Variants in RAPH1 observed in about 807,000 individuals in gnomAD.
RAPH1 encodes ras-associated and pleckstrin homology domains-containing protein 1.
A neutral mutation model predicts 88.1 loss-of-function variants in RAPH1; 18 were observed. The ratio of observed to expected loss-of-function variants is 0.20; its 90% CI spans 0.14 to 0.30. RAPH1 has a LOEUF of 0.30. Ranked by LOEUF, RAPH1 falls within the 10% of genes least tolerant of loss-of-function variation. RAPH1 has a pLI of 1.00. For synonymous variants in RAPH1, 587 were observed against 559.0 expected, an observed-to-expected ratio of 1.05 and a Z score of -0.71; for missense variants, 1,448 against 1,543.2, an observed-to-expected ratio of 0.94 and a Z score of 1.03.
At chr2:203,441,696 G>A in intron 13 of RAPH1, 1 of 1,307,962 alleles carries the variant, frequency 7.6e-7, no homozygotes. Context: ...CTGTTTGAAT[G>A]GTGACAGGAT....
intron 4 of RAPH1, among the ~76,000 whole-genome samples, chr2:203,470,042 T>G (rs1048164091): frequency 6.6e-6 from 1 of 152,214 alleles, no homozygotes; most frequent in African/African-American, 2.4e-5. Context: ...TGAAAATTAC[T>G]GAAAATATTT....
At chr2:203,471,153 T>TG (rs1204517828) in intron 4 of RAPH1, among the ~76,000 whole-genome samples, 2 of 152,198 alleles carry the variant, frequency 1.3e-5, no homozygotes, top group Non-Finnish European at 2.9e-5. Context: ...TGGCCTCTCA[T>TG]GAAAAAATTC....
chr2:203,465,217 T>C (rs749997259), intron 4 of RAPH1, among the ~76,000 whole-genome samples: 13 of 152,214 alleles, frequency 8.5e-5, no homozygotes, highest in Non-Finnish European at 1.5e-4. Context: ...ACCTTATTCA[T>C]GAGTGCCAAA....
At chr2:203,452,509 A>C (rs1424496262) in intron 10 of RAPH1, among the ~76,000 whole-genome samples, 1 of 152,210 alleles carries the variant, frequency 6.6e-6, no homozygotes, top group Non-Finnish European at 1.5e-5. Context: ...TTCTTTGTCC[A>C]ATCCAGTATA....
At chr2:203,471,961 G>C (rs989893447) in intron 4 of RAPH1, among the ~76,000 whole-genome samples, 1 of 152,002 alleles carries the variant, frequency 6.6e-6, no homozygotes, top group African/African-American at 2.4e-5. Context: ...CCTCCTAAAG[G>C]TAAGACTGAT....
At chr2:203,454,867 A>G (rs1287453624) in intron 9 of RAPH1, among the ~76,000 whole-genome samples, 2 of 152,226 alleles carry the variant, frequency 1.3e-5, no homozygotes, top group African/African-American at 4.8e-5. Context: ...GGAAAGAACA[A>G]GAAAATATCA....
At chr2:203,517,327 T>C (rs1689658897) in intron 1 of RAPH1, among the ~76,000 whole-genome samples, 2 of 125,298 alleles carry the variant, frequency 1.6e-5, no homozygotes. Context: ...AATGCATATG[T>C]GCCTAACAAC....
Position 203,448,860 on chromosome 2 carries a change from A to T in RAPH1, c.1414-24T>A. 1 of 1,515,948 alleles carries T rather than the reference A, an allele frequency of 6.6e-7. No homozygotes were observed. The highest frequency in any genetic ancestry group is 9.1e-7 in the Non-Finnish European group (1 of 1,100,438). 93.9% of individuals were successfully genotyped at this position (1,515,948 alleles called of 1,614,324 possible). A position where few individuals can be genotyped will look rare whatever the true frequency, so the allele number is the denominator to read the frequency against. On this transcript the variant is annotated intron_variant, in intron 10 of 13. Coordinates refer to ENST00000319170, the MANE Select transcript of RAPH1 (RefSeq NM_213589.3). This position sits in a 1 kb window ranked among gnomAD's most constrained non-coding sequence, Gnocchi z 4.1. ...TGCTGCAAGATTAAAGACAAAATCC[A>T]ACTAAGTCCCTTGGAGAACTAAAGA...
At chr2:203,498,704 A>G (rs899925007) in intron 1 of RAPH1, among the ~76,000 whole-genome samples, 1 of 152,232 alleles carries the variant, frequency 6.6e-6, no homozygotes, top group Admixed American at 6.5e-5. Context: ...AACAGAGTGT[A>G]ACTGCCCATA....
intron 4 of RAPH1, among the ~76,000 whole-genome samples, chr2:203,464,925 C>A (rs957328704): frequency 6.6e-6 from 1 of 152,078 alleles, no homozygotes; most frequent in Non-Finnish European, 1.5e-5. Context: ...TAGGGAATTA[C>A]AAGTAAAATG....
At chr2:203,520,541 C>T (rs1384741630) in intron 1 of RAPH1, among the ~76,000 whole-genome samples, 4 of 151,736 alleles carry the variant, frequency 2.6e-5, no homozygotes, top group Admixed American at 1.3e-4. Flanking sequence ...GCAGGAGAAT[C>T]GCCTGAACCC....
chr2:203,523,227 A>C (rs1689970191), intron 1 of RAPH1, among the ~76,000 whole-genome samples: 2 of 151,822 alleles, frequency 1.3e-5, no homozygotes, highest in African/African-American at 2.4e-5. Flanking sequence ...CCCCGTCTCT[A>C]TTAAAAATAC....
chr2:203,479,250 A>C (rs1346267436), intron 4 of RAPH1, among the ~76,000 whole-genome samples: 1 of 152,134 alleles, frequency 6.6e-6, no homozygotes, highest in Non-Finnish European at 1.5e-5. Context: ...TTCTTTCTGG[A>C]CTCAATCTTG....
chr2:203,517,821 T>G (rs1689684291), intron 1 of RAPH1, among the ~76,000 whole-genome samples: 1 of 152,004 alleles, frequency 6.6e-6, no homozygotes, highest in African/African-American at 2.4e-5. Flanking sequence ...TTAAATAAAA[T>G]GAAAATGAAA....
At chr2:203,476,612 T>C (rs1263036231) in intron 4 of RAPH1, among the ~76,000 whole-genome samples, 9 of 152,148 alleles carry the variant, frequency 5.9e-5, no homozygotes. Context: ...TATGGGACAG[T>C]ACACCTCTGA....
At position 203,461,911 on chromosome 2, in the gene RAPH1, T is replaced by C; in HGVS notation, c.747A>G (p.Ala249=). 6.2e-7 allele frequency: 1 copy of C among 1,608,796 alleles called. No homozygotes were observed. Among genetic ancestry groups the C allele is most frequent in the Non-Finnish European group, 8.5e-7 (1 of 1,177,442 alleles). Residue 249 remains alanine (A), a synonymous_variant, in exon 5 of 14, where the codon GCA becomes GCG. Coordinates refer to ENST00000319170, the MANE Select transcript of RAPH1 (RefSeq NM_213589.3). ...CTCTGATCTTCTCAGCTTTCAATTT[T>C]GCTGCCTGTTCTTCCTGTGAACACA... ...GQPITEEEQA[A]KLKAEKIRVA... is the part of the protein sequence containing the mutation.
At chr2:203,506,372 C>T (rs1163588902) in intron 1 of RAPH1, among the ~76,000 whole-genome samples, 2 of 151,908 alleles carry the variant, frequency 1.3e-5, no homozygotes, top group Non-Finnish European at 2.9e-5. Context: ...TTTCAAAATA[C>T]TGTATACACT....
intron 1 of RAPH1, among the ~76,000 whole-genome samples, chr2:203,527,292 C>T (rs1323884640): frequency 3.9e-5 from 6 of 152,028 alleles, no homozygotes; most frequent in Non-Finnish European, 7.4e-5. Context: ...TTCACCGTGG[C>T]CACCTGTCAG....
chr2:203,510,859 A>C (rs1314493292), intron 1 of RAPH1, among the ~76,000 whole-genome samples: 1 of 152,130 alleles, frequency 6.6e-6, no homozygotes, highest in Non-Finnish European at 1.5e-5. Context: ...AGGAGTTCGA[A>C]ACCAGACTGG....
Sources: gnomAD v4.1 joint callset for allele counts (sites outside exome capture counted in the v4.1 genomes callset) on GRCh38, gnomAD v4.1.1 for gene constraint, Gnocchi (gnomAD v3.1) non-coding constraint, MANE v1.5 for transcripts, NCBI Gene and HGNC (gene_info 2026-07-23, HGNC 2026-07-21) for gene names.